ADAM22: variants seen among roughly 807,000 people sequenced by gnomAD.
The protein encoded by ADAM22 is ADAM metallopeptidase domain 22.
ADAM22 carries 65 observed loss-of-function variants against 144.6 expected under a neutral mutation model. The ratio of observed to expected loss-of-function variants is 0.45; its 90% CI spans 0.37 to 0.55. The LOEUF is 0.55. Among genes scored for constraint, ADAM22 ranks in the 20% least tolerant of loss-of-function variants. The probability of loss-of-function intolerance (pLI) is 0.00; values close to 1 mark genes in which losing one functional copy is unlikely to be tolerated. For missense variants in ADAM22, 974 were observed against 1,184.9 expected (o/e 0.82, Z 2.61); for synonymous variants, 391 against 412.6 (o/e 0.95, Z 0.63).
intron 3 of ADAM22, among the ~76,000 whole-genome samples, chr7:88,075,280 T>G (rs888319894): frequency 6.6e-6 from 1 of 152,166 alleles, no homozygotes; most frequent in Non-Finnish European, 1.5e-5. Flanking sequence ...CAATTAAAAC[T>G]GTTTGATAAA....
At chr7:88,157,372 A>G (rs1840271114) in intron 22 of ADAM22, among the ~76,000 whole-genome samples, 1 of 152,204 alleles carries the variant, frequency 6.6e-6, no homozygotes, top group Non-Finnish European at 1.5e-5. Context: ...AAGACTTAAG[A>G]ATTAAAATGG....
intron 3 of ADAM22, among the ~76,000 whole-genome samples, chr7:88,070,973 G>A (rs929621158): frequency 2.6e-5 from 4 of 152,114 alleles, no homozygotes; most frequent in Non-Finnish European, 5.9e-5. Flanking sequence ...GGACTTAAGG[G>A]CAGTGTTGTG....
chr7:88,054,460 C>A (rs1291531353), intron 3 of ADAM22, among the ~76,000 whole-genome samples: 2 of 152,148 alleles, frequency 1.3e-5, no homozygotes, highest in Admixed American at 1.3e-4. Context: ...ACAGCTCCCT[C>A]CATCCCACCA....
intron 7 of ADAM22, among the ~76,000 whole-genome samples, chr7:88,117,650 G>C (rs539139282): frequency 2.6e-5 from 4 of 151,662 alleles, no homozygotes; most frequent in Non-Finnish European, 5.9e-5. Context: ...CTGGATATCT[G>C]GTATGGAGAT....
chr7:87,973,586 G>T (rs1342800592), intron 2 of ADAM22, among the ~76,000 whole-genome samples: 2 of 152,044 alleles, frequency 1.3e-5, no homozygotes, highest in Non-Finnish European at 2.9e-5. Flanking sequence ...TCCCATTACT[G>T]GGTATATACC....
At chr7:87,989,328 T>C (rs748106968) in intron 3 of ADAM22, among the ~76,000 whole-genome samples, 1 of 152,176 alleles carries the variant, frequency 6.6e-6, no homozygotes, top group Non-Finnish European at 1.5e-5. Context: ...CAAGTGATTA[T>C]TTTTATTCAT....
chr7:88,008,641 A>G (rs1229650254), intron 3 of ADAM22, among the ~76,000 whole-genome samples: 12 of 151,884 alleles, frequency 7.9e-5, no homozygotes, highest in African/African-American at 2.6e-4. Flanking sequence ...TCAGTAAACT[A>G]TCGCAAGGAC....
intron 5 of ADAM22, among the ~76,000 whole-genome samples, chr7:88,113,703 A>AATAAATAAATAAATAAATAAAT: frequency 2.1e-5 from 1 of 48,108 alleles, no homozygotes; most frequent in South Asian, 1.2e-3. Context: ...TAAATAAATA[A>AATAAATAAATAAATAAATAAAT]ATATATATAT....
chr7:88,057,556 T>C (rs1442555756), intron 3 of ADAM22, among the ~76,000 whole-genome samples: 1 of 152,196 alleles, frequency 6.6e-6, no homozygotes, highest in East Asian at 1.9e-4. Context: ...AAATGACAAC[T>C]CTCATCTGAC....
rs773442914 is a variant in ADAM22 at position 88,125,647 on chromosome 7, G to T, written c.666G>T (p.Arg222Ser). The T allele has an allele frequency of 6.3e-7, 1 of 1,592,020 alleles. No homozygotes were observed. Among genetic ancestry groups the T allele is most frequent in the Non-Finnish European group, 8.5e-7 (1 of 1,170,922 alleles). ...TTATTTTGAAGCCAAGACCAAAAAG[G>T]AGTAAACGGCAGGTATGTATTCACA... ...SKFILKPRPK[R>S]SKRQLRRYPR... The change falls in exon 8 of 32, where the codon AGG (arginine) becomes AGT (serine). Residue 222 changes from arginine to serine, a missense_variant. By Grantham distance (110) the Arg-to-Ser change is moderately radical (BLOSUM62 -1). Transcript: ENST00000413139.
intron 3 of ADAM22, among the ~76,000 whole-genome samples, chr7:88,003,066 T>G (rs147938315): frequency 6.6e-6 from 1 of 152,072 alleles, no homozygotes; most frequent in Non-Finnish European, 1.5e-5. Context: ...ATAAAAAGAG[T>G]TGAAGCAGGG....
chr7:88,017,726 A>C (rs1359592031), intron 3 of ADAM22, among the ~76,000 whole-genome samples: 1 of 151,812 alleles, frequency 6.6e-6, no homozygotes, highest in Non-Finnish European at 1.5e-5. Context: ...ATTTTTATTA[A>C]TTTCTAGCTT....
intron 2 of ADAM22, among the ~76,000 whole-genome samples, chr7:87,944,622 C>T (rs1843128232): frequency 6.6e-6 from 1 of 151,978 alleles, no homozygotes; most frequent in African/African-American, 2.4e-5. Context: ...CAGGAACAGG[C>T]TGTAGGTAAA....
chr7:87,953,516 A>G (rs1202977459), intron 2 of ADAM22, among the ~76,000 whole-genome samples: 2,460 of 151,814 alleles, frequency 0.016, 13 homozygotes, highest in Non-Finnish European at 0.024. Context: ...ACAGTTTGTT[A>G]CAATTTCTGT....
intron 3 of ADAM22, among the ~76,000 whole-genome samples, chr7:88,051,624 A>G (rs919544560): frequency 6.6e-5 from 10 of 152,094 alleles, no homozygotes; most frequent in Non-Finnish European, 1.3e-4. Context: ...TGGGTGCAGC[A>G]CACCAACATG....
intron 14 of ADAM22, among the ~76,000 whole-genome samples, chr7:88,142,648 C>A (rs1835059859): frequency 6.6e-6 from 1 of 152,046 alleles, no homozygotes; most frequent in African/African-American, 2.4e-5. Flanking sequence ...ACCATCCTGG[C>A]TAACACGATG....
chr7:88,091,571 A>G (rs569281399), intron 4 of ADAM22, among the ~76,000 whole-genome samples: 1 of 152,156 alleles, frequency 6.6e-6, no homozygotes, highest in East Asian at 1.9e-4. Context: ...ATGCCAGTCT[A>G]AGTGTTTCAC....
intron 3 of ADAM22, among the ~76,000 whole-genome samples, chr7:88,022,906 C>A (rs1798147853): frequency 6.6e-6 from 1 of 152,150 alleles, no homozygotes; most frequent in African/African-American, 2.4e-5. Flanking sequence ...TTTCAAAAGG[C>A]ACACACAAAC....
At chr7:87,996,569 C>G (rs1791283883) in intron 3 of ADAM22, among the ~76,000 whole-genome samples, 1 of 152,146 alleles carries the variant, frequency 6.6e-6, no homozygotes, top group Admixed American at 6.5e-5. Flanking sequence ...GAGGGGGAGA[C>G]AAGCATTCAG....
Sources: gnomAD v4.1 joint callset for allele counts (sites outside exome capture counted in the v4.1 genomes callset) on GRCh38, gnomAD v4.1.1 for gene constraint, MANE v1.5 for transcripts, NCBI Gene and HGNC (gene_info 2026-07-23, HGNC 2026-07-21) for gene names.